CUL1: variants seen among roughly 807,000 people sequenced by gnomAD.
The protein encoded by CUL1 is cullin-1.
CUL1 carries 24 observed loss-of-function variants against 118.0 expected under a neutral mutation model. That is an observed-to-expected ratio of 0.20 (90% CI 0.15 to 0.29). CUL1 has a LOEUF of 0.29. CUL1 is among the 10% of genes least tolerant of loss of function. The pLI, the probability that CUL1 is intolerant of heterozygous loss-of-function variation, is 1.00. For missense variants in CUL1, 361 were observed against 933.8 expected (o/e 0.39, Z 7.99); for synonymous variants, 332 against 340.4 (o/e 0.98, Z 0.27).
intron 1 of CUL1, among the ~76,000 whole-genome samples, chr7:148,702,607 T>A (rs1330597503): frequency 6.6e-6 from 1 of 152,374 alleles, no homozygotes; most frequent in East Asian, 1.9e-4. Flanking sequence ...AAGTAAGCAC[T>A]GGTCTGCCTT....
rs111839155 is a variant in CUL1 at position 148,800,816 on chromosome 7, G to A, written c.*234G>A. 3.8e-5 allele frequency: 17 copies of A among 442,972 alleles called. No individual in the cohort carries two copies. Among genetic ancestry groups the A allele is most frequent in the Admixed American group, 3.1e-4 (8 of 25,768 alleles). 27.4% of individuals were successfully genotyped at this position (442,972 alleles called of 1,614,324 possible). ...CCATTTACCCTAATTTAAGAACAGCGGGGACTGACCCTCCGTGCCGAGGGC... is the reference window on the plus strand; with the variant it reads ...CCATTTACCCTAATTTAAGAACAGCAGGGACTGACCCTCCGTGCCGAGGGC... On this transcript the variant is annotated 3_prime_UTR_variant, in exon 22 of 22. Coordinates refer to ENST00000325222, the MANE Select transcript of CUL1 (RefSeq NM_003592.3). This position sits in a 1 kb window ranked among gnomAD's most constrained non-coding sequence, Gnocchi z 4.6.
intron 1 of CUL1, among the ~76,000 whole-genome samples, chr7:148,718,579 T>A (rs1798290929): frequency 6.6e-6 from 1 of 152,190 alleles, no homozygotes; most frequent in African/African-American, 2.4e-5. Context: ...CCAAATAGTC[T>A]GACTACTTGG....
intron 9 of CUL1, 29 bp from the exon 10 acceptor site, chr7:148,783,754 T>A: frequency 6.2e-7 from 1 of 1,610,476 alleles, no homozygotes; most frequent in African/African-American, 1.3e-5. Flanking sequence ...AATAACCAAC[T>A]TTTGTTTCTA....
chr7:148,793,322 T>C (rs1322957390), intron 17 of CUL1, among the ~76,000 whole-genome samples: 4 of 152,240 alleles, frequency 2.6e-5, no homozygotes, highest in Non-Finnish European at 5.9e-5. Context: ...ATAATAAAAT[T>C]TGACATAACA....
intron 2 of CUL1, among the ~76,000 whole-genome samples, chr7:148,740,094 C>G (rs1799093301): frequency 6.6e-6 from 1 of 150,948 alleles, no homozygotes; most frequent in South Asian, 2.1e-4. Flanking sequence ...CTGTTTTTGC[C>G]CAGGCCGGAG....
In CUL1 at chr7:148,784,000, G is replaced by C; in HGVS notation, c.1221G>C (p.Ala407=). The C allele has an allele frequency of 1.9e-6, 3 of 1,614,084 alleles. No individual in the cohort carries two copies. The highest frequency in any genetic ancestry group is 2.5e-6 in the Non-Finnish European group (3 of 1,180,018). ...GTGGTCGCTTCATAAACAACAACGCGGTTACCAAGATGGCCCAATCATCCA... is the reference window on the plus strand; with the variant it reads ...GTGGTCGCTTCATAAACAACAACGCCGTTACCAAGATGGCCCAATCATCCA... ...KACGRFINNN[A]VTKMAQSSSK... is the part of the protein sequence containing the mutation. The change falls in exon 11 of 22, where the codon GCG becomes GCC. Residue 407 remains alanine, a synonymous_variant. Transcript: ENST00000325222.
At chr7:148,799,467 T>A in intron 21 of CUL1, 79 bp downstream of exon 21, 1 of 971,072 alleles carries the variant, frequency 1.0e-6, no homozygotes, top group Non-Finnish European at 1.6e-6. Context: ...GATTGATTGC[T>A]GTAGCATGAA....
intron 21 of CUL1, among the ~76,000 whole-genome samples, 195 bp downstream of exon 21, chr7:148,799,583 G>C (rs1001634176): frequency 2.6e-5 from 4 of 152,240 alleles, no homozygotes; most frequent in Admixed American, 6.5e-5. Context: ...TGAAGTGCCA[G>C]CTTGATGACT....
chr7:148,792,693 CCTT>C (rs754561424), intron 16 of CUL1, 30 bp from the exon 17 acceptor site: 27 of 1,550,026 alleles, frequency 1.7e-5, no homozygotes, highest in East Asian at 9.1e-5. Context: ...TGTAAATTTT[CCTT>C]CTTTTTCTTT....
chr7:148,712,016 G>A (rs1256583885), intron 1 of CUL1, among the ~76,000 whole-genome samples: 1 of 152,222 alleles, frequency 6.6e-6, no homozygotes, highest in East Asian at 1.9e-4. Context: ...AGTGGCCTGA[G>A]GATGTTTCCC....
upstream of CUL1, chr7:148,698,714 T>G (rs1480103080): frequency 2.0e-5 from 3 of 151,868 alleles, no homozygotes; most frequent in East Asian, 5.8e-4. Context: ...CCGATGGCGG[T>G]GCGTTCCGGC....
intron 1 of CUL1, among the ~76,000 whole-genome samples, chr7:148,712,756 G>A (rs925940883): frequency 3.3e-5 from 5 of 152,144 alleles, no homozygotes; most frequent in Non-Finnish European, 7.3e-5. Flanking sequence ...AAATACAGGC[G>A]CAGAAGTTAA....
chr7:148,744,549 G>GGTT (rs1241009147), intron 2 of CUL1, among the ~76,000 whole-genome samples: 1 of 151,878 alleles, frequency 6.6e-6, no homozygotes, highest in Non-Finnish European at 1.5e-5. Context: ...GAGGAATTGT[G>GGTT]GTTGTATAGT....
intron 9 of CUL1, chr7:148,783,382 C>T (rs1466317746): frequency 2.0e-6 from 2 of 985,356 alleles, no homozygotes; most frequent in Non-Finnish European, 2.4e-6. Flanking sequence ...CCTGCCCAGC[C>T]GGGCTGATGA....
chr7:148,789,886 C>T (rs1341592267), intron 15 of CUL1, 60 bp downstream of exon 15: 1 of 1,497,176 alleles, frequency 6.7e-7, no homozygotes, highest in East Asian at 2.3e-5. Flanking sequence ...GCAGGGCAGC[C>T]TTCACTGTGG....
chr7:148,771,296 G>T (rs756058835), intron 9 of CUL1, among the ~76,000 whole-genome samples: 1 of 152,160 alleles, frequency 6.6e-6, no homozygotes, highest in Non-Finnish European at 1.5e-5. Context: ...AATTCGTAGA[G>T]GTTTCCAGTT....
intron 1 of CUL1, among the ~76,000 whole-genome samples, chr7:148,708,842 C>T: frequency 6.6e-6 from 1 of 152,172 alleles, no homozygotes; most frequent in East Asian, 1.9e-4. Context: ...ACAAAGCAAC[C>T]AATTTGCGGA....
Position 148,766,576 on chromosome 7 carries a change from C to T in CUL1, c.805C>T (p.Leu269Phe). Residue 269 changes from leucine to phenylalanine, a missense_variant, in exon 8 of 22, where the codon CTT (leucine) becomes TTT (phenylalanine). Transcript: ENST00000325222. ...EYMKKAEARL[L>F]EEQRRVQVYL... ...TTTTCTCCAGGCAGAGGCTCGTCTG[C>T]TTGAGGAACAACGAAGAGTTCAGGT... is the stretch of plus-strand genomic sequence containing the variant. 1 of 1,608,178 alleles carries T rather than the reference C, an allele frequency of 6.2e-7. No homozygotes were observed. The highest frequency in any genetic ancestry group is 8.5e-7 in the Non-Finnish European group (1 of 1,178,152).
At chr7:148,723,149 GCTTC>G (rs1798448864) in intron 1 of CUL1, among the ~76,000 whole-genome samples, 1 of 152,156 alleles carries the variant, frequency 6.6e-6, no homozygotes, top group South Asian at 2.1e-4. Context: ...TCTTCTCTTG[GCTTC>G]CAGGCTTGGG....
Sources: gnomAD v4.1 joint callset for allele counts (sites outside exome capture counted in the v4.1 genomes callset) on GRCh38, gnomAD v4.1.1 for gene constraint, Gnocchi (gnomAD v3.1) non-coding constraint, MANE v1.5 for transcripts, NCBI Gene and HGNC (gene_info 2026-07-23, HGNC 2026-07-21) for gene names.